CAT: variants seen among roughly 807,000 people sequenced by gnomAD.
CAT encodes catalase.
CAT carries 43 observed loss-of-function variants against 59.0 expected under a neutral mutation model. The ratio of observed to expected loss-of-function variants is 0.73; its 90% CI spans 0.57 to 0.94. The LOEUF is 0.94. Ranked by LOEUF, CAT falls within the 40% of genes least tolerant of loss-of-function variation. The pLI, the probability that CAT is intolerant of heterozygous loss-of-function variation, is 0.00. For missense variants in CAT, 664 were observed against 682.9 expected (o/e 0.97, Z 0.31); for synonymous variants, 218 against 230.9 (o/e 0.94, Z 0.51).
intron 7 of CAT, 29 bp downstream of exon 7, chr11:34,456,231 C>G (rs55741847): frequency 6.4e-7 from 1 of 1,551,882 alleles, no homozygotes; most frequent in Admixed American, 1.7e-5. Context: ...ATATTGTTTT[C>G]TTTTTTAAGT....
chr11:34,461,528 C>A, intron 9 of CAT, 139 bp downstream of exon 9: 2 of 985,312 alleles, frequency 2.0e-6, no homozygotes, highest in Non-Finnish European at 1.6e-6. Context: ...GTGCTGCTAA[C>A]TGGGCGCTTT....
intron 11 of CAT, 106 bp from the exon 12 acceptor site, chr11:34,470,852 A>T (rs1856764656): frequency 2.2e-6 from 2 of 917,252 alleles, no homozygotes; most frequent in South Asian, 2.6e-5. Flanking sequence ...TCCTGCTGAA[A>T]CGTCTTTCCT....
At chr11:34,463,591 G>A (rs1478673611) in intron 9 of CAT, among the ~76,000 whole-genome samples, 1 of 152,210 alleles carries the variant, frequency 6.6e-6, no homozygotes. Flanking sequence ...GCAGCAGTCA[G>A]GTCCCATCAC....
At chr11:34,440,092 G>T (rs563651666) in intron 1 of CAT, among the ~76,000 whole-genome samples, 21 of 152,314 alleles carry the variant, frequency 1.4e-4, no homozygotes, top group East Asian at 1.3e-3. Flanking sequence ...TAAAGGTCTT[G>T]CCCTGTTCCC....
At chr11:34,451,394 A>G (rs1856522071) in intron 3 of CAT, among the ~76,000 whole-genome samples, 1 of 152,226 alleles carries the variant, frequency 6.6e-6, no homozygotes. Context: ...TGGAAATCTT[A>G]TTTAATAACT....
chr11:34,461,015 A>G, intron 8 of CAT: 2 of 585,616 alleles, frequency 3.4e-6, no homozygotes, highest in East Asian at 3.0e-5. Context: ...ATTACCAAAA[A>G]CAGATGTGAA....
At chr11:34,454,908 C>A (rs1012982579) in intron 6 of CAT, among the ~76,000 whole-genome samples, 13 of 152,116 alleles carry the variant, frequency 8.5e-5, no homozygotes, top group Non-Finnish European at 1.8e-4. Context: ...AGCTCCAGTT[C>A]TTTTCACTGT....
intron 10 of CAT, among the ~76,000 whole-genome samples, 153 bp downstream of exon 10, chr11:34,464,388 T>C (rs1431513042): frequency 6.6e-6 from 1 of 152,180 alleles, no homozygotes; most frequent in Non-Finnish European, 1.5e-5. Context: ...TTGGGCCCCT[T>C]ACTGGGTGGA....
intron 8 of CAT, chr11:34,457,068 T>G: frequency 2.0e-6 from 1 of 504,560 alleles, no homozygotes; most frequent in Non-Finnish European, 3.5e-6. Context: ...GAATACTTAC[T>G]CTCTTAATTA....
rs1026089478 is a variant in CAT at position 34,449,442 on chromosome 11, G to A, written c.238+79G>A. 11 of 1,255,380 alleles carry A rather than the reference G, an allele frequency of 8.8e-6. No homozygotes were observed. The African/African-American group carries it at 1.3e-4, about 15-fold the overall frequency. The allele number at this position is 1,255,380 out of a possible 1,614,324, so 77.8% of individuals were successfully genotyped here. ...AGTGTTATTTCCCAAAGGATTGGAA[G>A]ACCTTTAACACAAGTGTCAAATCTC... is the stretch of plus-strand genomic sequence containing the variant. On this transcript the variant is annotated intron_variant, in intron 2 of 12. Coordinates refer to ENST00000241052, the MANE Select transcript of CAT (RefSeq NM_001752.4).
In CAT at chr11:34,471,695, G is replaced by C. The variant is rs1457782490; in HGVS notation, c.*262G>C. The C allele has an allele frequency of 1.0e-5, 5 of 482,586 alleles. No homozygotes were observed. The highest frequency in any genetic ancestry group is 3.9e-5 in the African/African-American group (2 of 51,350). The allele number at this position is 482,586 out of a possible 1,614,324, so 29.9% of individuals were successfully genotyped here. A position where few individuals can be genotyped will look rare whatever the true frequency, so the allele number is the denominator to read the frequency against. On this transcript the variant is annotated 3_prime_UTR_variant, in exon 13 of 13. Coordinates refer to ENST00000241052, the MANE Select transcript of CAT (RefSeq NM_001752.4). ...ATTATTCATTTAAAATGATTAGAAG[G>C]CAAGTTTCTAGCTAGAAATATGATT...
intron 10 of CAT, among the ~76,000 whole-genome samples, chr11:34,467,598 TGAATGAGTG>T (rs2133859997): frequency 6.6e-6 from 1 of 152,296 alleles, no homozygotes; most frequent in South Asian, 2.1e-4. Flanking sequence ...CAATATTTGT[TGAATGAGTG>T]GAATGAATGA....
chr11:34,458,636 C>T, intron 8 of CAT, among the ~76,000 whole-genome samples: 1 of 152,176 alleles, frequency 6.6e-6, no homozygotes, highest in East Asian at 1.9e-4. Context: ...GCAGAGGCTG[C>T]ATAACCCTGG....
intron 1 of CAT, among the ~76,000 whole-genome samples, chr11:34,446,747 C>T (rs1366105658): frequency 4.1e-5 from 6 of 147,766 alleles, no homozygotes; most frequent in Admixed American, 1.3e-4. Flanking sequence ...ATGTCCCCCC[C>T]TTTTTTTTTT....
At chr11:34,468,543 C>G (rs375845644) in intron 11 of CAT, 148 bp downstream of exon 11, 8 of 668,584 alleles carry the variant, frequency 1.2e-5, no homozygotes, top group African/African-American at 7.3e-5. Flanking sequence ...AATCCCCAAC[C>G]AACTTCTGAT....
chr11:34,465,438 G>A (rs1007271833), intron 10 of CAT, among the ~76,000 whole-genome samples: 1 of 152,042 alleles, frequency 6.6e-6, no homozygotes, highest in Non-Finnish European at 1.5e-5. Flanking sequence ...ATTATTTTTG[G>A]TGATGCAGAT....
At chr11:34,455,578 C>T (rs7933285) in intron 6 of CAT, among the ~76,000 whole-genome samples, 34,183 of 150,632 alleles carry the variant, frequency 0.23, 4,143 homozygotes, top group South Asian at 0.34. Context: ...GGATACTGGC[C>T]GAGCACAGTC....
At chr11:34,467,705 C>T (rs10488736) in intron 10 of CAT, among the ~76,000 whole-genome samples, 52,424 of 151,786 alleles carry the variant, frequency 0.35, 9,895 homozygotes, top group African/African-American at 0.49. Context: ...TGATACTAAG[C>T]TCCTATTTTT....
rs775538627 is a variant in CAT, at chr11:34,438,999, A to T, written c.-15A>T. 3.7e-5 allele frequency: 58 copies of T among 1,582,572 alleles called. No individual in the cohort carries two copies. The highest frequency in any genetic ancestry group is 5.0e-5 in the Non-Finnish European group (58 of 1,164,146). On this transcript the variant is annotated 5_prime_UTR_variant, in exon 1 of 13. Coordinates refer to ENST00000241052, the MANE Select transcript of CAT (RefSeq NM_001752.4). Reference sequence around the variant, plus strand: ...CGAGGCCTCCTGCAGTGTTCTGCACAGCAAACCGCACGCTATGGCTGACAG... The same window carrying T: ...CGAGGCCTCCTGCAGTGTTCTGCACTGCAAACCGCACGCTATGGCTGACAG...
Sources: allele counts gnomAD v4.1 joint callset (sites outside exome capture counted in the v4.1 genomes callset), GRCh38; gene constraint gnomAD v4.1.1; transcripts MANE v1.5; gene names NCBI Gene and HGNC (gene_info 2026-07-23, HGNC 2026-07-21).